The following OXR1 variants were observed in gnomAD, a reference collection of about 807,000 sequenced individuals.
OXR1 encodes oxidation resistance protein 1.
In OXR1, 41 loss-of-function variants were observed where a neutral mutation model predicts 104.6. The ratio of observed to expected loss-of-function variants is 0.39; its 90% CI spans 0.31 to 0.51. The LOEUF is 0.51. Ranked by LOEUF, OXR1 falls within the 20% of genes least tolerant of loss-of-function variation. The pLI, the probability that OXR1 is intolerant of heterozygous loss-of-function variation, is 0.77. For synonymous variants in OXR1, 348 were observed against 348.4 expected, an observed-to-expected ratio of 1.00 and a Z score of 0.01; for missense variants, 955 against 1,031.9, an observed-to-expected ratio of 0.93 and a Z score of 1.02.
chr8:106,474,464 T>A (rs1175061906), intron 2 of OXR1, among the ~76,000 whole-genome samples: 1 of 151,890 alleles, frequency 6.6e-6, no homozygotes, highest in Non-Finnish European at 1.5e-5. Context: ...ATAGCTGCAA[T>A]TCTAAATCTG....
intron 16 of OXR1, among the ~76,000 whole-genome samples, chr8:106,747,543 G>C (rs932424451): frequency 1.3e-5 from 2 of 152,142 alleles, no homozygotes; most frequent in Non-Finnish European, 2.9e-5. Context: ...TCTCTTTTCA[G>C]AAAGTCGTAT....
chr8:106,552,728 A>G (rs948631078), intron 3 of OXR1, among the ~76,000 whole-genome samples: 4 of 152,212 alleles, frequency 2.6e-5, no homozygotes, highest in Admixed American at 6.5e-5. Flanking sequence ...TTTCTGATGG[A>G]TGGAGGTGGC....
chr8:106,619,907 T>C (rs533349198), intron 3 of OXR1, among the ~76,000 whole-genome samples: 90 of 152,232 alleles, frequency 5.9e-4, no homozygotes, highest in Non-Finnish European at 1.1e-3. Context: ...CCCATTCTCC[T>C]TTCCCCTTGC....
chr8:106,414,761 G>T (rs1818603446), intron 2 of OXR1, among the ~76,000 whole-genome samples: 1 of 152,078 alleles, frequency 6.6e-6, no homozygotes, highest in Non-Finnish European at 1.5e-5. Context: ...TGGAAGATTG[G>T]TAAGAGTACA....
intron 1 of OXR1, among the ~76,000 whole-genome samples, chr8:106,301,156 A>C (rs188917830): frequency 1.5e-4 from 23 of 152,332 alleles, no homozygotes; most frequent in Admixed American, 1.4e-3. Flanking sequence ...CAGAATAAGA[A>C]CAGTGAATGC....
At chr8:106,304,855 T>C (rs764273816) in intron 1 of OXR1, among the ~76,000 whole-genome samples, 1 of 152,150 alleles carries the variant, frequency 6.6e-6, no homozygotes, top group Non-Finnish European at 1.5e-5. Flanking sequence ...TCATGGTTAA[T>C]TGGCGTTAAT....
At chr8:106,547,764 A>C (rs1344186281) in intron 3 of OXR1, among the ~76,000 whole-genome samples, 3 of 152,020 alleles carry the variant, frequency 2.0e-5, no homozygotes, top group Non-Finnish European at 2.9e-5. Context: ...TGTCCTCCCA[A>C]AGTGCTGGGA....
At chr8:106,561,079 G>A (rs901534780) in intron 3 of OXR1, among the ~76,000 whole-genome samples, 10 of 152,080 alleles carry the variant, frequency 6.6e-5, no homozygotes, top group Admixed American at 1.3e-4. Context: ...ACAAAACTGG[G>A]TGGCCATTTG....
chr8:106,375,105 T>C (rs752072465), intron 2 of OXR1, among the ~76,000 whole-genome samples: 25 of 152,122 alleles, frequency 1.6e-4, no homozygotes, highest in Non-Finnish European at 3.1e-4. Flanking sequence ...TTCCCTGAGG[T>C]TTTTATAGTA....
chr8:106,702,777 A>G, intron 7 of OXR1, 129 bp from the exon 8 acceptor site: 1 of 643,982 alleles, frequency 1.6e-6, no homozygotes, highest in Non-Finnish European at 2.5e-6. Flanking sequence ...TTTCATGAGA[A>G]TGCCACAGTT....
chr8:106,294,173 C>T (rs536895777), intron 1 of OXR1, among the ~76,000 whole-genome samples: 17 of 151,386 alleles, frequency 1.1e-4, no homozygotes, highest in South Asian at 6.2e-4. Flanking sequence ...GAGGCCGAGG[C>T]GGGCAGATAA....
At chr8:106,616,218 AT>A (rs372788802) in intron 3 of OXR1, among the ~76,000 whole-genome samples, 5,624 of 96,058 alleles carry the variant, frequency 0.059, 83 homozygotes, top group African/African-American at 0.11. Context: ...ATTTTTTGGA[AT>A]TTTTTTTTTT....
chr8:106,339,682 C>T (rs925244397), intron 1 of OXR1, among the ~76,000 whole-genome samples: 47 of 150,448 alleles, frequency 3.1e-4, no homozygotes, highest in African/African-American at 1.0e-3. Context: ...ATGCCAAATC[C>T]ATTTTTGTGT....
chr8:106,493,328 C>G (rs1167523950), intron 2 of OXR1, among the ~76,000 whole-genome samples: 2 of 152,152 alleles, frequency 1.3e-5, no homozygotes, highest in Admixed American at 1.3e-4. Context: ...TCTCATTCCT[C>G]CTTGTTTTCC....
chr8:106,358,423 C>T (rs1586562686), intron 1 of OXR1, among the ~76,000 whole-genome samples: 1 of 152,200 alleles, frequency 6.6e-6, no homozygotes, highest in East Asian at 1.9e-4. Context: ...TGGAAGCCCC[C>T]TTTTCTGTGC....
intron 1 of OXR1, 39 bp from the exon 2 acceptor site, chr8:106,359,437 C>A: frequency 3.5e-6 from 2 of 565,728 alleles, no homozygotes; most frequent in African/African-American, 1.9e-5. Flanking sequence ...CCACATAGAC[C>A]AGGTACTAGA....
At chr8:106,308,370 A>G (rs543373357) in intron 1 of OXR1, among the ~76,000 whole-genome samples, 1 of 152,094 alleles carries the variant, frequency 6.6e-6, no homozygotes, top group Non-Finnish European at 1.5e-5. Context: ...TCTTTACTCA[A>G]TCTGCCGATT....
intron 2 of OXR1, among the ~76,000 whole-genome samples, chr8:106,462,993 T>C (rs1178153840): frequency 6.6e-6 from 1 of 152,144 alleles, no homozygotes; most frequent in Non-Finnish European, 1.5e-5. Flanking sequence ...ATTTCCATTT[T>C]ATAGGTGAGA....
intron 2 of OXR1, among the ~76,000 whole-genome samples, chr8:106,388,692 G>C (rs1478903629): frequency 1.3e-5 from 2 of 152,208 alleles, no homozygotes; most frequent in African/African-American, 4.8e-5. Flanking sequence ...AAAGTGCTGG[G>C]ATTACAGGCG....
Sources: gnomAD v4.1 joint callset for allele counts (sites outside exome capture counted in the v4.1 genomes callset) on GRCh38, gnomAD v4.1.1 for gene constraint, MANE v1.5 for transcripts, NCBI Gene and HGNC (gene_info 2026-07-23, HGNC 2026-07-21) for gene names.